Variants in PLEKHM2 observed in about 807,000 individuals in gnomAD.
PLEKHM2 encodes the protein pleckstrin homology domain-containing family M member 2.
A neutral mutation model predicts 116.3 loss-of-function variants in PLEKHM2; 77 were observed. That is an observed-to-expected ratio of 0.66 (90% CI 0.55 to 0.80). The LOEUF is 0.80. Ranked by LOEUF, PLEKHM2 falls within the 30% of genes least tolerant of loss-of-function variation. PLEKHM2 has a pLI of 0.00. For synonymous variants in PLEKHM2, 562 were observed against 571.0 expected (o/e 0.98, Z 0.22); for missense variants, 1,183 against 1,354.9 (o/e 0.87, Z 1.99).
Position 15,684,405 on chromosome 1 carries a change from C to T in PLEKHM2, c.-154C>T. 4.5e-6 allele frequency: 1 copy of T among 224,198 alleles called. No homozygotes were observed. The highest frequency in any genetic ancestry group is 7.3e-6 in the Non-Finnish European group (1 of 137,526). The allele number at this position is 224,198 out of a possible 1,614,324, so 13.9% of individuals were successfully genotyped here. On this transcript the variant is annotated 5_prime_UTR_variant, in exon 1 of 20. Transcript: ENST00000375799. ...GCGAGGGCCCAGGCGAGGCGAGGGC[C>T]GGGCGGCGGGCGCCGGGCCCCGCGG...
intron 1 of PLEKHM2, among the ~76,000 whole-genome samples, chr1:15,688,172 G>A (rs1443852613): frequency 6.6e-6 from 1 of 152,188 alleles, no homozygotes; most frequent in African/African-American, 2.4e-5. Flanking sequence ...TCCCCAAGGA[G>A]TATTGTTGAG....
Position 15,721,994 on chromosome 1 carries a change from ATTT to A in PLEKHM2, c.712+609_712+611del, listed in dbSNP as rs2068002862. Among the ~76,000 whole-genome samples, 1 of 152,264 alleles carries A rather than the reference ATTT, an allele frequency of 6.6e-6. No homozygotes were observed. Among genetic ancestry groups the A allele is most frequent in the East Asian group, 1.9e-4 (1 of 5,168 alleles). ...TGCTGGGCAGTAGCAGTGCCTGGGC[ATTT>A]TTCTGCCTGAAATTCCACTTCATAA... On this transcript the variant is annotated intron_variant, in intron 7 of 19. Transcript: ENST00000375799. The surrounding 1 kb of genome is among the most constrained non-coding windows in gnomAD (Gnocchi z 5.1).
At chr1:15,714,820 G>A (rs1297256418) in intron 1 of PLEKHM2, among the ~76,000 whole-genome samples, 1 of 152,246 alleles carries the variant, frequency 6.6e-6, no homozygotes, top group Non-Finnish European at 1.5e-5. Context: ...GCCATTGGAA[G>A]GGCAGTAGCA....
chr1:15,721,700 G>A lies in PLEKHM2; in HGVS notation c.712+312G>A, dbSNP rs1281893770. 2.0e-5 allele frequency among the ~76,000 whole-genome samples: 3 copies of A among 152,206 alleles called. No individual in the cohort carries two copies. The highest frequency in any genetic ancestry group is 6.5e-5 in the Admixed American group (1 of 15,278). On this transcript the variant is annotated intron_variant, in intron 7 of 19. Transcript: ENST00000375799. This position sits in a 1 kb window ranked among gnomAD's most constrained non-coding sequence, Gnocchi z 5.1. ...GTGCCAGCTGATGCTCTCGGGGTGT[G>A]TAGGGCCTGACCCAGTGAACCAAGA...
At chr1:15,690,844 C>A (rs1181454442) in intron 1 of PLEKHM2, among the ~76,000 whole-genome samples, 2 of 152,122 alleles carry the variant, frequency 1.3e-5, no homozygotes, top group Admixed American at 1.3e-4. Context: ...TGAGTATCTG[C>A]CCTCATGGAG....
At chr1:15,710,925 A>G (rs1217728808) in intron 1 of PLEKHM2, among the ~76,000 whole-genome samples, 25 of 151,946 alleles carry the variant, frequency 1.6e-4, no homozygotes, top group Admixed American at 1.6e-3. Flanking sequence ...CTGTAATCCC[A>G]ACACTTTGGG....
chr1:15,691,732 C>T (rs1348143573), intron 1 of PLEKHM2, among the ~76,000 whole-genome samples: 5 of 152,216 alleles, frequency 3.3e-5, no homozygotes, highest in Non-Finnish European at 7.3e-5. Flanking sequence ...GTTGAAAAGG[C>T]TGCCTTGCAT....
At chr1:15,684,731 G>A in intron 1 of PLEKHM2, 113 bp downstream of exon 1, 1 of 467,074 alleles carries the variant, frequency 2.1e-6, no homozygotes, top group South Asian at 9.7e-5. Flanking sequence ...CGACCCGGGG[G>A]GCGACGAGCG....
rs765759639 is a variant in PLEKHM2, at chr1:15,733,889, C to T, written c.3015C>T (p.Ser1005=). ...LSLIHSAWQR[S]DSLCRGRASR... ...TCATCCACAGCGCCTGGCAGCGGAG[C>T]GACAGTCTCTGCCGCGGCCGAGCCT... The change falls in exon 20 of 20, where the codon AGC becomes AGT. Residue 1005 remains serine, a synonymous_variant. Transcript: ENST00000375799. The T allele has an allele frequency of 1.9e-6, 3 of 1,612,916 alleles. No homozygotes were observed. The highest frequency in any genetic ancestry group is 4.5e-5 in the East Asian group (2 of 44,874).
At chr1:15,724,770 C>A (rs1167687377) in intron 7 of PLEKHM2, among the ~76,000 whole-genome samples, 1 of 152,214 alleles carries the variant, frequency 6.6e-6, no homozygotes, top group Non-Finnish European at 1.5e-5. Flanking sequence ...CTCACTTTCT[C>A]TGCTGTCTTC....
chr1:15,699,067 G>A (rs745471058), intron 1 of PLEKHM2, among the ~76,000 whole-genome samples: 6 of 152,144 alleles, frequency 3.9e-5, no homozygotes, highest in Non-Finnish European at 4.4e-5. Context: ...GCTCATGCCT[G>A]TAATCCCAGG....
intron 1 of PLEKHM2, among the ~76,000 whole-genome samples, chr1:15,692,065 A>T (rs945118374): frequency 6.6e-6 from 1 of 151,850 alleles, no homozygotes; most frequent in Non-Finnish European, 1.5e-5. Context: ...GTGAGCCAGG[A>T]TCATGCCATT....
chr1:15,682,328 G>A (rs375332700), upstream of PLEKHM2, among the ~76,000 whole-genome samples: 22 of 152,000 alleles, frequency 1.4e-4, no homozygotes, highest in East Asian at 3.9e-3. Context: ...GCAGGCGCCC[G>A]TAATCCCAGC....
chr1:15,711,084 G>A (rs1020696054), intron 1 of PLEKHM2, among the ~76,000 whole-genome samples: 6 of 152,060 alleles, frequency 3.9e-5, no homozygotes, highest in Non-Finnish European at 8.8e-5. Flanking sequence ...GAACCTGGCC[G>A]GGCATGACGG....
chr1:15,716,621 CCTTG>C, intron 2 of PLEKHM2, 82 bp from the exon 3 acceptor site: 1 of 1,378,294 alleles, frequency 7.3e-7, no homozygotes, highest in South Asian at 1.3e-5. Context: ...TCACTTCCTG[CCTTG>C]CGCTCACTGC....
rs1553157087 is a variant in PLEKHM2 at position 15,685,557 on chromosome 1, A to AAAAG, written c.60+955_60+958dup. ...TCAGAAACTGAAAAAAAAAAAAAAA[A>AAAAG]AAAGAAAGAAAGAAAGAAAAAAGAG... is the stretch of plus-strand genomic sequence containing the variant. On this transcript the variant is annotated intron_variant, in intron 1 of 19. Transcript: ENST00000375799. Among the ~76,000 whole-genome samples the AAAAG allele has an allele frequency of 9.7e-4, 144 of 147,976 alleles. 1 individual carries two copies. Among genetic ancestry groups the AAAAG allele is most frequent in the African/African-American group, 3.6e-3 (138 of 38,630 alleles).
chr1:15,730,260 G>A (rs1200132997), intron 14 of PLEKHM2, among the ~76,000 whole-genome samples: 3 of 152,194 alleles, frequency 2.0e-5, no homozygotes, highest in African/African-American at 4.8e-5. Context: ...CGCCAACATG[G>A]CAAAACCCCG....
intron 1 of PLEKHM2, among the ~76,000 whole-genome samples, chr1:15,714,369 A>G (rs934455462): frequency 3.3e-5 from 5 of 150,608 alleles, no homozygotes; most frequent in African/African-American, 1.2e-4. Flanking sequence ...AAAAAAAAAA[A>G]GCTCTACCCC....
intron 1 of PLEKHM2, among the ~76,000 whole-genome samples, chr1:15,689,404 T>C (rs1317232145): frequency 6.6e-6 from 1 of 152,158 alleles, no homozygotes; most frequent in African/African-American, 2.4e-5. Context: ...AAGAGGGACC[T>C]GTCTTAAGAT....
Sources: allele counts gnomAD v4.1 joint callset (sites outside exome capture counted in the v4.1 genomes callset), GRCh38; gene constraint gnomAD v4.1.1; non-coding constraint Gnocchi (gnomAD v3.1); transcripts MANE v1.5; gene names NCBI Gene and HGNC (gene_info 2026-07-23, HGNC 2026-07-21).